ERG: variants seen among roughly 807,000 people sequenced by gnomAD.
The protein encoded by ERG is transcriptional regulator ERG.
ERG carries 9 observed loss-of-function variants against 55.3 expected under a neutral mutation model. The ratio of observed to expected loss-of-function variants is 0.16; its 90% CI spans 0.10 to 0.28. ERG has a LOEUF of 0.28. ERG is among the 10% of genes least tolerant of loss of function. The pLI, the probability that ERG is intolerant of heterozygous loss-of-function variation, is 1.00. For missense variants in ERG, 434 were observed against 631.6 expected, an observed-to-expected ratio of 0.69 and a Z score of 3.35; for synonymous variants, 223 against 237.3, an observed-to-expected ratio of 0.94 and a Z score of 0.55.
At chr21:38,535,855 A>G (rs1218377801) in intron 2 of ERG, among the ~76,000 whole-genome samples, 1 of 152,186 alleles carries the variant, frequency 6.6e-6, no homozygotes, top group African/African-American at 2.4e-5. Flanking sequence ...TACAGATAAA[A>G]CGCTATGGGA....
intron 1 of ERG, among the ~76,000 whole-genome samples, chr21:38,649,118 A>T (rs150956393): frequency 6.6e-6 from 1 of 152,222 alleles, no homozygotes; most frequent in African/African-American, 2.4e-5. Flanking sequence ...CATTAATCCA[A>T]GTTTAACTAA....
chr21:38,455,875 CCT>C (rs2058984343), intron 1 of ERG, among the ~76,000 whole-genome samples: 4 of 150,458 alleles, frequency 2.7e-5, no homozygotes, highest in Admixed American at 6.6e-5. Context: ...CGGTCCCCCC[CCT>C]CCCCACAGAC....
chr21:38,487,943 C>A (rs2059301657), intron 1 of ERG, among the ~76,000 whole-genome samples: 1 of 152,162 alleles, frequency 6.6e-6, no homozygotes, highest in South Asian at 2.1e-4. Flanking sequence ...GATAAAATCA[C>A]TAGAATATAT....
intron 2 of ERG, among the ~76,000 whole-genome samples, chr21:38,528,327 G>C (rs936728185): frequency 6.6e-6 from 1 of 151,044 alleles, no homozygotes; most frequent in African/African-American, 2.4e-5. Flanking sequence ...TGTAGTTCCA[G>C]CTACTCAGGA....
upstream of ERG, among the ~76,000 whole-genome samples, chr21:38,586,735 G>GTAT (rs1462643920): frequency 1.3e-5 from 2 of 152,154 alleles, no homozygotes; most frequent in Non-Finnish European, 2.9e-5. Context: ...AATTTGGTAT[G>GTAT]TATTACAAAT....
At chr21:38,595,608 G>A (rs922070705) in intron 1 of ERG, among the ~76,000 whole-genome samples, 1 of 152,184 alleles carries the variant, frequency 6.6e-6, no homozygotes. Context: ...GAAGCAGGGC[G>A]GGAGCGGTGG....
At chr21:38,638,373 T>A (rs1366073390) in intron 1 of ERG, among the ~76,000 whole-genome samples, 1 of 152,204 alleles carries the variant, frequency 6.6e-6, no homozygotes. Flanking sequence ...CTGGCCCTCC[T>A]CACTTACAAC....
rs954387855 is a variant in ERG, at chr21:38,646,867, C to T, written c.-150+14791G>A. On this transcript the variant is annotated intron_variant, in intron 1 of 10. Transcript: ENST00000398910. ...GAGTCAATGTGATCCAGCTGCTGCA[C>T]GTCAGTCCCGCCACATGACCTGCAC... Among the ~76,000 whole-genome samples the T allele has an allele frequency of 3.3e-5, 5 of 152,120 alleles. No individual in the cohort carries two copies. In the East Asian group the frequency reaches 5.8e-4, roughly 18 times the overall value.
intron 2 of ERG, among the ~76,000 whole-genome samples, chr21:38,439,909 G>C (rs2058824238): frequency 6.6e-6 from 1 of 152,140 alleles, no homozygotes; most frequent in African/African-American, 2.4e-5. Context: ...TTTCTCCGTG[G>C]GTACTGGATG....
intron 2 of ERG, among the ~76,000 whole-genome samples, chr21:38,517,254 C>T (rs981864045): frequency 6.6e-6 from 1 of 151,680 alleles, no homozygotes; most frequent in Non-Finnish European, 1.5e-5. Flanking sequence ...AAAACTCAAA[C>T]AACTCAACAA....
chr21:38,653,511 G>A (rs1438115532), intron 1 of ERG, among the ~76,000 whole-genome samples: 2 of 152,138 alleles, frequency 1.3e-5, no homozygotes, highest in Non-Finnish European at 2.9e-5. Flanking sequence ...TAAGGACACC[G>A]CATTTAGAGT....
chr21:38,643,088 T>C (rs1421788147), intron 1 of ERG, among the ~76,000 whole-genome samples: 1 of 152,290 alleles, frequency 6.6e-6, no homozygotes, highest in East Asian at 1.9e-4. Context: ...GAGTTCCAGA[T>C]AGCTATCCTC....
At chr21:38,598,627 C>A (rs1419313505) in intron 1 of ERG, among the ~76,000 whole-genome samples, 4 of 152,204 alleles carry the variant, frequency 2.6e-5, no homozygotes, top group Non-Finnish European at 5.9e-5. Context: ...CACATCCATG[C>A]ACAACTCTCT....
rs1276153391 is a variant in ERG at position 38,530,610 on chromosome 21, A to G, written c.-41+45052T>C. ...ATTCGGTGTAGAATTGGCAAGTATAATAACTGTAAATCCCTCTCAATCTAC... is the reference window on the plus strand; with the variant it reads ...ATTCGGTGTAGAATTGGCAAGTATAGTAACTGTAAATCCCTCTCAATCTAC... On this transcript the variant is annotated intron_variant, in intron 2 of 8. Coordinates refer to the ERG transcript ENST00000398897. 1.3e-5 allele frequency among the ~76,000 whole-genome samples: 2 copies of G among 152,172 alleles called. 1 individual carries two copies. Among genetic ancestry groups the G allele is most frequent in the Non-Finnish European group, 2.9e-5 (2 of 68,032 alleles).
chr21:38,539,681 G>C (rs1262085015), intron 2 of ERG, among the ~76,000 whole-genome samples: 1 of 152,106 alleles, frequency 6.6e-6, no homozygotes, highest in Non-Finnish European at 1.5e-5. Flanking sequence ...GCCCCTGCCT[G>C]TCTGGCTCCT....
At chr21:38,577,748 C>T (rs936302795) in intron 1 of ERG, among the ~76,000 whole-genome samples, 1 of 152,190 alleles carries the variant, frequency 6.6e-6, no homozygotes, top group Non-Finnish European at 1.5e-5. Flanking sequence ...AAAGGGAGGG[C>T]GTCCCACTGC....
Position 38,380,440 on chromosome 21 carries a change from T to C in ERG, c.*2963A>G, listed in dbSNP as rs1394361580. ...CACAGTCTTGACTGTGATTTGGTGA[T>C]TTTACCACATACAAGGCCCGAAAGC... On this transcript the variant is annotated 3_prime_UTR_variant, in exon 10 of 10. Transcript: ENST00000288319. 1.9e-6 allele frequency: 2 copies of C among 1,063,952 alleles called. No individual in the cohort carries two copies. Among genetic ancestry groups the C allele is most frequent in the Non-Finnish European group, 2.3e-6 (2 of 878,566 alleles). 65.9% of individuals were successfully genotyped at this position (1,063,952 alleles called of 1,614,324 possible).
At chr21:38,375,681 CAT>C (rs1987221731), downstream of ERG, among the ~76,000 whole-genome samples, 2 of 152,184 alleles carry the variant, frequency 1.3e-5, no homozygotes, top group South Asian at 4.1e-4. Flanking sequence ...GACCTCAAAA[CAT>C]AGTGTTCACT....
At chr21:38,462,388 C>G (rs1364830490) in intron 1 of ERG, among the ~76,000 whole-genome samples, 1 of 152,168 alleles carries the variant, frequency 6.6e-6, no homozygotes, top group East Asian at 1.9e-4. Context: ...TTTTAAGAAT[C>G]CTCAACCAAT....
Sources: gnomAD v4.1 joint callset for allele counts (sites outside exome capture counted in the v4.1 genomes callset) on GRCh38, gnomAD v4.1.1 for gene constraint, MANE v1.5 for transcripts, NCBI Gene and HGNC (gene_info 2026-07-23, HGNC 2026-07-21) for gene names.